ACSL6: variants seen among roughly 807,000 people sequenced by gnomAD.
ACSL6 encodes the protein long-chain-fatty-acid--CoA ligase 6.
In ACSL6, 47 loss-of-function variants were observed where a neutral mutation model predicts 98.2. That is an observed-to-expected ratio of 0.48 (90% confidence interval 0.38 to 0.61). The LOEUF (loss-of-function observed/expected upper bound fraction) is 0.61. ACSL6 is among the 20% of genes least tolerant of loss of function. ACSL6 has a pLI of 0.00. For synonymous variants in ACSL6, 362 were observed against 336.9 expected (o/e 1.07, Z -0.82); for missense variants, 761 against 913.4 (o/e 0.83, Z 2.15).
intron 12 of ACSL6, 50 bp from the exon 13 acceptor site, chr5:131,972,908 C>T (rs1169227986): frequency 3.7e-6 from 6 of 1,612,800 alleles, no homozygotes; most frequent in Non-Finnish European, 5.1e-6. Context: ...TGTCTCATTT[C>T]TAGATATATC....
intron 17 of ACSL6, among the ~76,000 whole-genome samples, chr5:131,964,837 T>C (rs969894492): frequency 6.6e-6 from 1 of 152,204 alleles, no homozygotes; most frequent in African/African-American, 2.4e-5. Context: ...ACTCAGCATA[T>C]ATTACTATCA....
At chr5:131,981,503 C>G (rs1753894579) in intron 9 of ACSL6, among the ~76,000 whole-genome samples, 1 of 152,144 alleles carries the variant, frequency 6.6e-6, no homozygotes, top group Non-Finnish European at 1.5e-5. Context: ...TATCACCCTT[C>G]CAGGGTGCCA....
chr5:131,981,235 C>T (rs943169546), intron 9 of ACSL6, among the ~76,000 whole-genome samples: 2 of 151,398 alleles, frequency 1.3e-5, no homozygotes, highest in African/African-American at 4.9e-5. Context: ...CTTTCAGGAT[C>T]TCCAGAAGAG....
At chr5:131,961,536 TA>T (rs942526360) in intron 18 of ACSL6, among the ~76,000 whole-genome samples, 9 of 146,540 alleles carry the variant, frequency 6.1e-5, no homozygotes, top group East Asian at 2.1e-4. Context: ...CTACTAAAAA[TA>T]AAAAAAAAAT....
At chr5:131,982,938 C>T (rs1037931777) in intron 9 of ACSL6, 1 of 152,166 alleles carries the variant, frequency 6.6e-6, no homozygotes, top group African/African-American at 2.4e-5. Flanking sequence ...ATCCCTATGC[C>T]CTCAGCACCT....
chr5:131,978,735 G>A (rs1050483124), intron 9 of ACSL6, among the ~76,000 whole-genome samples: 20 of 152,112 alleles, frequency 1.3e-4, no homozygotes, highest in East Asian at 9.6e-4. Flanking sequence ...CTACCCCCGC[G>A]GCACAAATTT....
chr5:131,983,026 G>A (rs908545146), intron 9 of ACSL6: 2 of 152,144 alleles, frequency 1.3e-5, no homozygotes, highest in Admixed American at 1.3e-4. Flanking sequence ...GAAAAAGAGT[G>A]CTAAAAACAC....
At chr5:131,975,479 T>C (rs1219622861) in intron 10 of ACSL6, 2 of 985,314 alleles carry the variant, frequency 2.0e-6, no homozygotes, top group Non-Finnish European at 2.4e-6. Flanking sequence ...CACTTTCTAG[T>C]CCTTGCAGAG....
chr5:131,955,790 A>G (rs1752372353), intron 20 of ACSL6, among the ~76,000 whole-genome samples: 1 of 152,254 alleles, frequency 6.6e-6, no homozygotes. Context: ...AGAAAACATT[A>G]ACACAATCAA....
intron 9 of ACSL6, chr5:131,984,404 A>G (rs1482704595): frequency 6.6e-6 from 1 of 152,218 alleles, no homozygotes; most frequent in Non-Finnish European, 1.5e-5. Flanking sequence ...CTCAGTTTGG[A>G]AAAAGAAGGC....
chr5:132,011,888 C>T, upstream of ACSL6: 2 of 1,548,130 alleles, frequency 1.3e-6, no homozygotes, highest in Non-Finnish European at 1.7e-6. The surrounding 1 kb of genome is among the most constrained non-coding windows in gnomAD (Gnocchi z 5.4). Context: ...CCAGCCCTCT[C>T]CGGCCCCGCT....
chr5:131,975,869 T>C (rs1404681481), intron 10 of ACSL6: 2 of 985,470 alleles, frequency 2.0e-6, no homozygotes, highest in African/African-American at 3.5e-5. Context: ...TGGGCAAACC[T>C]TGGCTCCTGA....
rs1255803077 is a variant in ACSL6, at chr5:131,953,561, A to C, written c.*673T>G. ...TGGAGACTGCAATGAGCCATGATTA[A>C]GCCACTGCACTCCAGCCTAGGTGAC... On this transcript the variant is annotated 3_prime_UTR_variant, in exon 21 of 21. Coordinates refer to ENST00000651883, the MANE Select transcript of ACSL6 (RefSeq NM_001009185.3). 3 of 189,236 alleles carry C rather than the reference A, an allele frequency of 1.6e-5. No individual in the cohort carries two copies. The highest frequency in any genetic ancestry group is 3.3e-5 in the Non-Finnish European group (3 of 90,052). 11.7% of individuals were successfully genotyped at this position (189,236 alleles called of 1,614,324 possible). A position where few individuals can be genotyped will look rare whatever the true frequency, so the allele number is the denominator to read the frequency against.
chr5:132,011,605 C>G lies in ACSL6; in HGVS notation c.-52G>C. ...CGGCCCGGCCTCCCCGACCCGCAGC[C>G]CCGCAGCCCCGCAGCCCAGCAGCCC... is the stretch of plus-strand genomic sequence containing the variant. On this transcript the variant is annotated 5_prime_UTR_variant, in exon 1 of 21. Coordinates refer to ENST00000651883, the MANE Select transcript of ACSL6 (RefSeq NM_001009185.3). This position sits in a 1 kb window ranked among gnomAD's most constrained non-coding sequence, Gnocchi z 5.4. 5 of 1,388,940 alleles carry G rather than the reference C, an allele frequency of 3.6e-6. No individual in the cohort carries two copies. Among genetic ancestry groups the G allele is most frequent in the South Asian group, 3.4e-5 (2 of 59,700 alleles). 86.0% of individuals were successfully genotyped at this position (1,388,940 alleles called of 1,614,324 possible). A position where few individuals can be genotyped will look rare whatever the true frequency, so the allele number is the denominator to read the frequency against.
At chr5:131,991,499 A>G (rs1754511052) in intron 2 of ACSL6, among the ~76,000 whole-genome samples, 1 of 152,230 alleles carries the variant, frequency 6.6e-6, no homozygotes, top group South Asian at 2.1e-4. Context: ...GTTCTGTCCC[A>G]GGCACAGAAG....
chr5:131,960,598 C>A lies in ACSL6; in HGVS notation c.1881G>T (p.Val627=). ...SLKAFLVGIV[V]PDPEVMPSWA... ...AGGAGGGCATAACTTCAGGGTCAGG[C>A]ACAACAATGCCTACCAAAAAGGCCT... Residue 627 remains valine, a synonymous_variant, in exon 19 of 21, where the codon GTG becomes GTT. Coordinates refer to ENST00000651883, the MANE Select transcript of ACSL6 (RefSeq NM_001009185.3). 6.2e-7 allele frequency: 1 copy of A among 1,614,080 alleles called. No homozygotes were observed. Among genetic ancestry groups the A allele is most frequent in the Non-Finnish European group, 8.5e-7 (1 of 1,180,022 alleles).
chr5:131,998,110 A>C (rs1754885339), intron 1 of ACSL6, among the ~76,000 whole-genome samples: 1 of 151,844 alleles, frequency 6.6e-6, no homozygotes, highest in Admixed American at 6.6e-5. Flanking sequence ...GGTGGTCTCT[A>C]GGGTCCCAGC....
At chr5:132,003,407 C>A (rs1371457081) in intron 1 of ACSL6, among the ~76,000 whole-genome samples, 2 of 152,200 alleles carry the variant, frequency 1.3e-5, no homozygotes, top group African/African-American at 4.8e-5. Flanking sequence ...TAGACTGGAG[C>A]GGCCCAGCCC....
chr5:131,990,158 C>T lies in ACSL6; in HGVS notation c.392G>A (p.Gly131Glu). ...FRRGLSISGN[G>E]PCLGFRKPKQ... is the part of the protein sequence containing the mutation. ...AGGCTTCCTGAAACCAAGACAGGGCCCATTCCCTGTAGAGAGATAAGAAAG... is the reference window on the plus strand; with the variant it reads ...AGGCTTCCTGAAACCAAGACAGGGCTCATTCCCTGTAGAGAGATAAGAAAG... The change falls in exon 4 of 21, where the codon GGG (glycine) becomes GAG (glutamate). Residue 131 changes from glycine to glutamate, a missense_variant. By Grantham distance (98) the Gly-to-Glu change is moderately conservative. Coordinates refer to ENST00000651883, the MANE Select transcript of ACSL6 (RefSeq NM_001009185.3). 6.2e-7 allele frequency: 1 copy of T among 1,613,960 alleles called. No individual in the cohort carries two copies. Among genetic ancestry groups the T allele is most frequent in the Non-Finnish European group, 8.5e-7 (1 of 1,179,946 alleles).
Sources: gnomAD v4.1 joint callset for allele counts (sites outside exome capture counted in the v4.1 genomes callset) on GRCh38, gnomAD v4.1.1 for gene constraint, Gnocchi (gnomAD v3.1) non-coding constraint, MANE v1.5 for transcripts, NCBI Gene and HGNC (gene_info 2026-07-23, HGNC 2026-07-21) for gene names.